The following GRAMD1C variants were observed in gnomAD, a reference collection of about 807,000 sequenced individuals.
GRAMD1C encodes protein Aster-C.
Under a neutral mutation model 97.8 loss-of-function variants are expected in GRAMD1C, and 89 were observed. The observed-to-expected ratio is 0.91, with a 90% CI of 0.77 to 1.09. The LOEUF is 1.09. GRAMD1C is among the 50% of genes least tolerant of loss of function. The probability of loss-of-function intolerance (pLI) is 0.00; values close to 1 mark genes in which losing one functional copy is unlikely to be tolerated. For missense variants in GRAMD1C, 740 were observed against 766.4 expected, an observed-to-expected ratio of 0.97 and a Z score of 0.41; for synonymous variants, 256 against 267.0, an observed-to-expected ratio of 0.96 and a Z score of 0.40.
At chr3:113,934,807 G>A (rs988211030) in intron 13 of GRAMD1C, among the ~76,000 whole-genome samples, 25 of 151,924 alleles carry the variant, frequency 1.6e-4, no homozygotes, top group African/African-American at 5.6e-4. Context: ...GCAGTGGTGC[G>A]ATCTTGGCTC....
chr3:113,912,453 G>T (rs559909270), intron 9 of GRAMD1C, among the ~76,000 whole-genome samples: 4 of 152,082 alleles, frequency 2.6e-5, no homozygotes, highest in Non-Finnish European at 4.4e-5. Context: ...AAAGATTTTG[G>T]TTTTTCTTGG....
At chr3:113,920,223 A>T (rs1936989194) in intron 10 of GRAMD1C, 7 of 1,127,120 alleles carry the variant, frequency 6.2e-6, no homozygotes, top group Non-Finnish European at 7.6e-6. Flanking sequence ...ACCAAAAAAA[A>T]AAAGCAACAA....
intron 5 of GRAMD1C, among the ~76,000 whole-genome samples, chr3:113,879,600 C>G (rs1419782369): frequency 6.6e-6 from 1 of 151,750 alleles, no homozygotes; most frequent in Non-Finnish European, 1.5e-5. Context: ...TCACCCCATT[C>G]TTGTTCTAAT....
At chr3:113,880,405 T>C (rs1009852995) in intron 5 of GRAMD1C, among the ~76,000 whole-genome samples, 3 of 152,208 alleles carry the variant, frequency 2.0e-5, no homozygotes, top group East Asian at 1.9e-4. Flanking sequence ...TGTGTTGTTT[T>C]TCGGCTCTCC....
chr3:113,907,720 A>G (rs1212978071), intron 8 of GRAMD1C, among the ~76,000 whole-genome samples: 1 of 152,258 alleles, frequency 6.6e-6, no homozygotes, highest in Non-Finnish European at 1.5e-5. Context: ...TAGAGTATAC[A>G]AAGAAATAAA....
intron 10 of GRAMD1C, chr3:113,920,039 A>T: frequency 1.1e-6 from 1 of 888,076 alleles, no homozygotes; most frequent in Non-Finnish European, 1.8e-6. Flanking sequence ...GTACTTTTTG[A>T]ATTTAGTGTT....
chr3:113,924,126 G>A (rs908735348), intron 10 of GRAMD1C, among the ~76,000 whole-genome samples: 2 of 141,756 alleles, frequency 1.4e-5, no homozygotes, highest in Non-Finnish European at 3.1e-5. Flanking sequence ...CGGTGGTAAT[G>A]TTCCTTTTGT....
chr3:113,836,522 C>G (rs188740086), upstream of GRAMD1C, among the ~76,000 whole-genome samples: 436 of 110,010 alleles, frequency 4.0e-3, 1 homozygote, highest in Non-Finnish European at 6.6e-3. Context: ...CTACTTCACT[C>G]CTAAATACTT....
intron 3 of GRAMD1C, among the ~76,000 whole-genome samples, chr3:113,874,834 A>G (rs1173613735): frequency 1.3e-5 from 2 of 152,182 alleles, no homozygotes; most frequent in Admixed American, 6.5e-5. Flanking sequence ...GTCACCATCA[A>G]CTTTTCTCTG....
chr3:113,843,560 A>T (rs1193620767), intron 1 of GRAMD1C, among the ~76,000 whole-genome samples: 1 of 148,884 alleles, frequency 6.7e-6, no homozygotes, highest in African/African-American at 2.5e-5. Flanking sequence ...GCTCACTGCA[A>T]CCTCCTCCTC....
Position 113,833,126 on chromosome 3 carries a change from T to TG in GRAMD1C, n.98+4847_98+4848insG, listed in dbSNP as rs1559769409. On this transcript the variant is annotated intron_variant and non_coding_transcript_variant, in intron 1 of 18. Coordinates refer to the GRAMD1C transcript ENST00000479212. Reference sequence around the variant, plus strand: ...TTTCTTTCTTTCTTTCTTTCTTTTTTTTTTTTTTTGTGTGTGTGCGTGTGT... The same window carrying TG: ...TTTCTTTCTTTCTTTCTTTCTTTTTTGTTTTTTTTTGTGTGTGTGCGTGTGT... Among the ~76,000 whole-genome samples the TG allele has an allele frequency of 5.4e-3, 807 of 149,666 alleles. 6 individuals are homozygous for TG. The highest frequency in any genetic ancestry group is 0.017 in the African/African-American group (686 of 40,778).
intron 5 of GRAMD1C, among the ~76,000 whole-genome samples, chr3:113,876,500 G>A (rs1399666749): frequency 6.6e-6 from 1 of 152,058 alleles, no homozygotes; most frequent in Non-Finnish European, 1.5e-5. Context: ...TCTAGGCAGG[G>A]TAACATTAGC....
chr3:113,932,532 G>C (rs1332207710), intron 11 of GRAMD1C, among the ~76,000 whole-genome samples: 1 of 152,118 alleles, frequency 6.6e-6, no homozygotes, highest in African/African-American at 2.4e-5. Flanking sequence ...TAATTTTGAG[G>C]TGGGATCCTT....
intron 17 of GRAMD1C, among the ~76,000 whole-genome samples, chr3:113,943,900 C>T (rs111574114): frequency 0.026 from 3,905 of 152,126 alleles, 154 homozygotes; most frequent in African/African-American, 0.086. Context: ...GGTGAAAGAG[C>T]GAGACTCCGT....
intron 7 of GRAMD1C, among the ~76,000 whole-genome samples, chr3:113,903,423 T>C (rs1217109963): frequency 1.3e-5 from 2 of 152,204 alleles, no homozygotes; most frequent in African/African-American, 4.8e-5. Context: ...TTGCAATCTC[T>C]CCTTCCTTCT....
chr3:113,939,822 T>G, intron 15 of GRAMD1C, 64 bp from the exon 16 acceptor site: 2 of 828,836 alleles, frequency 2.4e-6, no homozygotes, highest in Non-Finnish European at 4.2e-6. Context: ...TGCATGTATA[T>G]TCTGCATTAG....
Position 113,915,654 on chromosome 3 carries a change from A to ACTTT in GRAMD1C, c.953-42_953-39dup, listed in dbSNP as rs749046095. 11 of 1,534,730 alleles carry ACTTT rather than the reference A, an allele frequency of 7.2e-6. No individual in the cohort carries two copies. The East Asian group carries it at 1.6e-4, about 22-fold the overall frequency. On this transcript the variant is annotated intron_variant, in intron 9 of 17. Coordinates refer to ENST00000358160, the MANE Select transcript of GRAMD1C (RefSeq NM_017577.5). ...GAAACCCCCTAAAGCCTTAAAATAA[A>ACTTT]CTTTCTTTGATTTCTTCTCTTTTGG...
intron 10 of GRAMD1C, among the ~76,000 whole-genome samples, chr3:113,925,883 G>T (rs1177237032): frequency 6.6e-6 from 1 of 152,198 alleles, no homozygotes; most frequent in Non-Finnish European, 1.5e-5. Flanking sequence ...TAAGAATGTT[G>T]AATATAGGCC....
At chr3:113,935,497 T>TAC (rs1477545143) in intron 13 of GRAMD1C, among the ~76,000 whole-genome samples, 1 of 150,802 alleles carries the variant, frequency 6.6e-6, no homozygotes, top group African/African-American at 2.5e-5. Flanking sequence ...AATATATATA[T>TAC]ATATACACAC....
Sources: allele counts gnomAD v4.1 joint callset (sites outside exome capture counted in the v4.1 genomes callset), GRCh38; gene constraint gnomAD v4.1.1; transcripts MANE v1.5; gene names NCBI Gene and HGNC (gene_info 2026-07-23, HGNC 2026-07-21).